The following CTNNA2 variants were observed in gnomAD, a reference collection of about 807,000 sequenced individuals.
The protein encoded by CTNNA2 is catenin alpha 2.
CTNNA2 carries 42 observed loss-of-function variants against 101.0 expected under a neutral mutation model. The observed-to-expected ratio is 0.42, with a 90% CI of 0.32 to 0.54. The LOEUF (loss-of-function observed/expected upper bound fraction) is 0.54, where lower values mean the gene tolerates loss of function less well. Ranked by LOEUF, CTNNA2 falls within the 20% of genes least tolerant of loss-of-function variation. CTNNA2 has a pLI of 0.14. For synonymous variants in CTNNA2, 450 were observed against 456.4 expected, an observed-to-expected ratio of 0.99 and a Z score of 0.18; for missense variants, 871 against 1,223.1, an observed-to-expected ratio of 0.71 and a Z score of 4.29.
chr2:80,156,897 C>T (rs1299110321), intron 7 of CTNNA2, among the ~76,000 whole-genome samples: 2 of 152,186 alleles, frequency 1.3e-5, no homozygotes, highest in Non-Finnish European at 2.9e-5. Flanking sequence ...CTTCTCAGAC[C>T]TTTAAATCCA....
chr2:79,242,010 A>T (rs977442607), intron 2 of CTNNA2, among the ~76,000 whole-genome samples: 1 of 151,744 alleles, frequency 6.6e-6, no homozygotes, highest in Non-Finnish European at 1.5e-5. Flanking sequence ...GGTTCACGCC[A>T]TTCTCCTGCC....
intron 7 of CTNNA2, among the ~76,000 whole-genome samples, chr2:80,262,322 T>C (rs1283213488): frequency 6.6e-6 from 1 of 152,206 alleles, no homozygotes; most frequent in African/African-American, 2.4e-5. Flanking sequence ...CTGCAGAGTG[T>C]TCTGTTCTAT....
chr2:80,037,840 C>T (rs941233463), intron 7 of CTNNA2, among the ~76,000 whole-genome samples: 1 of 152,146 alleles, frequency 6.6e-6, no homozygotes, highest in African/African-American at 2.4e-5. Flanking sequence ...AACTTGACCA[C>T]TTCATTCTTG....
intron 7 of CTNNA2, among the ~76,000 whole-genome samples, chr2:79,983,960 A>G (rs1691576488): frequency 6.6e-6 from 1 of 152,064 alleles, no homozygotes; most frequent in Admixed American, 6.5e-5. Flanking sequence ...GATAGGGACA[A>G]CCTATACTGG....
At chr2:79,252,768 G>T (rs1674789745) in intron 2 of CTNNA2, among the ~76,000 whole-genome samples, 1 of 151,304 alleles carries the variant, frequency 6.6e-6, no homozygotes, top group East Asian at 1.9e-4. Flanking sequence ...ATATCAACAT[G>T]CCCCCCCATT....
chr2:80,260,846 A>G (rs922334427), intron 7 of CTNNA2, among the ~76,000 whole-genome samples: 3 of 152,200 alleles, frequency 2.0e-5, no homozygotes, highest in Non-Finnish European at 4.4e-5. Flanking sequence ...GCATTTGAGG[A>G]TGTATTCTTT....
intron 9 of CTNNA2, among the ~76,000 whole-genome samples, chr2:80,536,873 C>CT (rs2149607281): frequency 6.6e-6 from 1 of 152,266 alleles, no homozygotes; most frequent in East Asian, 1.9e-4. Context: ...GTGGGGTTTT[C>CT]TTTGTGTGAT....
chr2:80,562,211 T>A (rs1014616361), intron 12 of CTNNA2, among the ~76,000 whole-genome samples: 3 of 150,668 alleles, frequency 2.0e-5, no homozygotes, highest in African/African-American at 7.3e-5. Flanking sequence ...TGAAAATATT[T>A]CCTATACACT....
chr2:80,017,588 A>C (rs1218891476), intron 7 of CTNNA2, among the ~76,000 whole-genome samples: 1 of 151,990 alleles, frequency 6.6e-6, no homozygotes, highest in Admixed American at 6.6e-5. Context: ...GCCCCCAGAT[A>C]ATCTTATTTA....
chr2:80,091,526 G>A (rs964684926), intron 7 of CTNNA2, among the ~76,000 whole-genome samples: 2 of 152,060 alleles, frequency 1.3e-5, no homozygotes, highest in Non-Finnish European at 2.9e-5. Flanking sequence ...GGGGATTTGG[G>A]CTAGAGCCAG....
In CTNNA2 at chr2:80,567,511, A is replaced by C. The variant is rs1004748259; in HGVS notation, c.1742-6652A>C. On this transcript the variant is annotated intron_variant, in intron 12 of 18. Coordinates refer to ENST00000402739, the MANE Select transcript of CTNNA2 (RefSeq NM_001282597.3). Reference sequence around the variant, plus strand: ...TTAGGGCCCCAGTAGTTGATATCACACTCTCTTTTACCCTTTTTTCCTCTC... The same window carrying C: ...TTAGGGCCCCAGTAGTTGATATCACCCTCTCTTTTACCCTTTTTTCCTCTC... 5.3e-5 allele frequency among the ~76,000 whole-genome samples: 8 copies of C among 151,626 alleles called. No individual in the cohort carries two copies. The East Asian group carries it at 1.6e-3, about 30-fold the overall frequency.
chr2:79,479,392 T>C (rs532917204), intron 4 of CTNNA2, among the ~76,000 whole-genome samples: 3 of 152,304 alleles, frequency 2.0e-5, no homozygotes, highest in Non-Finnish European at 2.9e-5. Context: ...AAAGTATATT[T>C]TCACCTGAAC....
chr2:79,845,053 T>TTG (rs10569872), intron 3 of CTNNA2, among the ~76,000 whole-genome samples: 16 of 149,114 alleles, frequency 1.1e-4, no homozygotes, highest in African/African-American at 2.2e-4. Context: ...TTGTGTGCAT[T>TTG]TGTGTGTGTG....
chr2:79,240,497 C>T (rs1448814177), intron 2 of CTNNA2, among the ~76,000 whole-genome samples: 1 of 152,110 alleles, frequency 6.6e-6, no homozygotes, highest in Non-Finnish European at 1.5e-5. Flanking sequence ...CCTGTGTTTG[C>T]TTAGGATAAT....
intron 9 of CTNNA2, among the ~76,000 whole-genome samples, chr2:80,466,114 A>G (rs1210180358): frequency 6.6e-6 from 1 of 152,178 alleles, no homozygotes; most frequent in African/African-American, 2.4e-5. Flanking sequence ...TTCCTCTGTA[A>G]CTTATATTGT....
intron 6 of CTNNA2, among the ~76,000 whole-genome samples, chr2:79,878,350 T>C (rs1466303180): frequency 2.0e-5 from 3 of 152,130 alleles, no homozygotes; most frequent in African/African-American, 7.2e-5. Context: ...GATTGCTGGG[T>C]CTAATGGTAT....
intron 9 of CTNNA2, among the ~76,000 whole-genome samples, chr2:80,472,235 G>A (rs1456371909): frequency 6.6e-6 from 1 of 152,188 alleles, no homozygotes; most frequent in Non-Finnish European, 1.5e-5. Context: ...AGAGCCTAGG[G>A]ATAGGATGAT....
At chr2:79,734,568 G>A (rs1687395052) in intron 2 of CTNNA2, among the ~76,000 whole-genome samples, 2 of 151,962 alleles carry the variant, frequency 1.3e-5, no homozygotes, top group East Asian at 1.9e-4. Context: ...TTCCAGCAAA[G>A]GTTTCAGGAA....
At chr2:79,247,535 G>T (rs1674714974) in intron 2 of CTNNA2, among the ~76,000 whole-genome samples, 1 of 152,014 alleles carries the variant, frequency 6.6e-6, no homozygotes, top group Non-Finnish European at 1.5e-5. Flanking sequence ...TTTTTTGTCT[G>T]CAATTCTAGC....
Sources: allele counts gnomAD v4.1 joint callset (sites outside exome capture counted in the v4.1 genomes callset), GRCh38; gene constraint gnomAD v4.1.1; transcripts MANE v1.5; gene names NCBI Gene and HGNC (gene_info 2026-07-23, HGNC 2026-07-21).